The following TG variants were observed in gnomAD, a reference collection of about 807,000 sequenced individuals.
The protein encoded by TG is thyroglobulin, also known as thyroid hormones.
Under a neutral mutation model 324.7 loss-of-function variants are expected in TG, and 270 were observed. That is an observed-to-expected ratio of 0.83 (90% CI 0.75 to 0.92). The LOEUF (loss-of-function observed/expected upper bound fraction) is 0.92. TG is among the 40% of genes least tolerant of loss of function. The pLI is 0.00. For missense variants in TG, 3,591 were observed against 3,456.4 expected (o/e 1.04, Z -0.98); for synonymous variants, 1,401 against 1,327.0 (o/e 1.06, Z -1.21).
At chr8:132,923,568 C>T in intron 22 of TG, 60 bp downstream of exon 22, 1 of 1,550,526 alleles carries the variant, frequency 6.4e-7, no homozygotes, top group South Asian at 1.2e-5. Flanking sequence ...GTCTCAAGGG[C>T]TTTTTAGAAA....
chr8:133,025,532 G>A (rs1835990555), intron 40 of TG, among the ~76,000 whole-genome samples: 1 of 152,118 alleles, frequency 6.6e-6, no homozygotes, highest in Non-Finnish European at 1.5e-5. Context: ...TGCTTTGGTT[G>A]GGCACATGTG....
intron 41 of TG, among the ~76,000 whole-genome samples, chr8:133,082,807 A>G (rs1472441709): frequency 6.7e-6 from 1 of 149,986 alleles, no homozygotes; most frequent in Non-Finnish European, 1.5e-5. Flanking sequence ...ATGCCTTAAT[A>G]CTTTCATGGC....
rs766209120 is a variant in TG at position 133,029,945 on chromosome 8, C to T, written c.7161C>T (p.Gly2387=). Residue 2387 remains glycine, a synonymous_variant, in exon 41 of 48, where the codon GGC becomes GGT. Transcript: ENST00000220616. ...PRRVSLAADR[G]GADVASIHLL... ...GCGTGTCCCTGGCAGCAGACCGTGG[C>T]GGGGCTGATGTGGCCAGCATCCACC... 53 of 1,614,198 alleles carry T rather than the reference C, an allele frequency of 3.3e-5. No homozygotes were observed. The highest frequency in any genetic ancestry group is 1.0e-4 in the Admixed American group (6 of 60,032).
chr8:132,914,030 GA>G (rs1819929038), intron 20 of TG, among the ~76,000 whole-genome samples: 1 of 152,106 alleles, frequency 6.6e-6, no homozygotes, highest in African/African-American at 2.4e-5. Context: ...TCAGCTCTCT[GA>G]CCCCTCTTCC....
rs1038766933 is a variant in TG at position 133,077,195 on chromosome 8, G to A, written c.7240-17849G>A. Among the ~76,000 whole-genome samples, 12 of 152,186 alleles carry A rather than the reference G, an allele frequency of 7.9e-5. No individual in the cohort carries two copies. In the South Asian group the frequency reaches 2.3e-3, roughly 29 times the overall value. On this transcript the variant is annotated intron_variant, in intron 41 of 47. Transcript: ENST00000220616. ...AGAAGGGACTGCTGGTTTCACACAA[G>A]CTTTAAAAGTTTTTGGGAAAGACAA...
At chr8:132,905,789 C>A (rs1818587616) in intron 16 of TG, among the ~76,000 whole-genome samples, 1 of 151,318 alleles carries the variant, frequency 6.6e-6, no homozygotes, top group South Asian at 2.1e-4. Flanking sequence ...CCTGGGAATT[C>A]AAAAAAAAGA....
intron 31 of TG, among the ~76,000 whole-genome samples, chr8:132,968,622 C>T (rs990423897): frequency 6.6e-6 from 1 of 152,172 alleles, no homozygotes; most frequent in Non-Finnish European, 1.5e-5. Context: ...ACTCGAATGT[C>T]AAAGGGGTCC....
rs1832727565 is a variant in TG at position 132,994,918 on chromosome 8, A to C, written c.6262+11506A>C. ...GAGCTCCCTGTCACTGGAGTATTCA[A>C]ATATGTTGAAGATTCTCTTGTTGTG... On this transcript the variant is annotated intron_variant, in intron 35 of 47. Transcript: ENST00000220616. 3.5e-6 allele frequency: 4 copies of C among 1,136,770 alleles called. No individual in the cohort carries two copies. In the Admixed American group the frequency reaches 1.6e-4, roughly 45 times the overall value. The allele number at this position is 1,136,770 out of a possible 1,614,324, so 70.4% of individuals were successfully genotyped here.
chr8:132,930,813 G>A (rs1436369769), intron 23 of TG, among the ~76,000 whole-genome samples: 1 of 152,176 alleles, frequency 6.6e-6, no homozygotes, highest in Non-Finnish European at 1.5e-5. Flanking sequence ...AGCCAACTGG[G>A]CCACTGAGTT....
chr8:133,077,816 A>T (rs1845137804), intron 41 of TG, among the ~76,000 whole-genome samples: 1 of 151,444 alleles, frequency 6.6e-6, no homozygotes, highest in African/African-American at 2.4e-5. Flanking sequence ...TGTGCATTGG[A>T]GGATGTGCCA....
intron 27 of TG, among the ~76,000 whole-genome samples, chr8:132,951,221 C>G (rs1237363195): frequency 6.6e-6 from 1 of 151,994 alleles, no homozygotes; most frequent in African/African-American, 2.4e-5. Context: ...TCTGGATTAC[C>G]ACCATTGAGC....
chr8:133,025,095 C>T (rs1262832623), intron 40 of TG, among the ~76,000 whole-genome samples: 3 of 152,216 alleles, frequency 2.0e-5, no homozygotes, highest in Non-Finnish European at 4.4e-5. Context: ...CCTCCGTGCT[C>T]TTCAGCTCTG....
At chr8:133,013,349 G>A (rs897181068) in intron 36 of TG, among the ~76,000 whole-genome samples, 5 of 152,112 alleles carry the variant, frequency 3.3e-5, no homozygotes, top group Non-Finnish European at 7.4e-5. Context: ...GTGGTTGGGT[G>A]GATGGATGGA....
intron 35 of TG, chr8:133,001,993 T>G (rs1833557829): frequency 1.0e-6 from 1 of 985,386 alleles, no homozygotes. Context: ...CTGAAGACTT[T>G]TGGATGCCTT....
At chr8:132,874,159 G>A (rs1839751659) in intron 5 of TG, among the ~76,000 whole-genome samples, 1 of 152,104 alleles carries the variant, frequency 6.6e-6, no homozygotes, top group Non-Finnish European at 1.5e-5. Flanking sequence ...GTGACAGAGT[G>A]AGACTCCATC....
At chr8:133,056,760 C>T (rs534022228) in intron 41 of TG, among the ~76,000 whole-genome samples, 2 of 152,280 alleles carry the variant, frequency 1.3e-5, no homozygotes, top group East Asian at 1.9e-4. Flanking sequence ...TAATCATTCC[C>T]GTTTTACAAA....
chr8:132,926,830 G>A (rs1443775508), intron 22 of TG, among the ~76,000 whole-genome samples: 3 of 152,190 alleles, frequency 2.0e-5, no homozygotes, highest in African/African-American at 7.2e-5. Context: ...GCTGGTGGTG[G>A]CATCAGGACT....
intron 20 of TG, among the ~76,000 whole-genome samples, chr8:132,919,145 C>T (rs910013354): frequency 1.3e-5 from 2 of 152,186 alleles, no homozygotes; most frequent in Non-Finnish European, 2.9e-5. Context: ...GTCTGACCCT[C>T]TCATCTCCTA....
At position 133,017,834 on chromosome 8, in the gene TG, G is replaced by T; in HGVS notation, c.6619G>T (p.Gly2207Cys). The T allele has an allele frequency of 1.2e-6, 2 of 1,614,154 alleles. No individual in the cohort carries two copies. Among genetic ancestry groups the T allele is most frequent in the Non-Finnish European group, 1.7e-6 (2 of 1,180,038 alleles). ...ACCTTCTGTGCCCATTTCCACCCAT[G>T]GCCGGCTGCTGGGCAGGTCCCAGGC... is the stretch of plus-strand genomic sequence containing the variant. ...SVPSVPISTH[G>C]RLLGRSQAIQ... The change falls in exon 38 of 48, where the codon GGC (glycine) becomes TGC (cysteine). Residue 2207 changes from glycine (G) to cysteine (C), a missense_variant. By Grantham distance (159) the Gly-to-Cys change is radical. Transcript: ENST00000220616.
Sources: allele counts gnomAD v4.1 joint callset (sites outside exome capture counted in the v4.1 genomes callset), GRCh38; gene constraint gnomAD v4.1.1; transcripts MANE v1.5; gene names NCBI Gene and HGNC (gene_info 2026-07-23, HGNC 2026-07-21).